PAPOLA: variants seen among roughly 807,000 people sequenced by gnomAD.
The protein encoded by PAPOLA is poly(A) polymerase alpha, also known as polynucleotide adenylyltransferase alpha.
In PAPOLA, 15 loss-of-function variants were observed where a neutral mutation model predicts 100.6. The observed-to-expected ratio is 0.15, with a 90% CI of 0.10 to 0.23. The LOEUF (loss-of-function observed/expected upper bound fraction) is 0.23, where lower values mean the gene tolerates loss of function less well. PAPOLA is among the 10% of genes least tolerant of loss of function. PAPOLA has a pLI of 1.00. For synonymous variants in PAPOLA, 293 were observed against 300.0 expected, an observed-to-expected ratio of 0.98 and a Z score of 0.24; for missense variants, 533 against 884.2, an observed-to-expected ratio of 0.60 and a Z score of 5.04.
intron 12 of PAPOLA, among the ~76,000 whole-genome samples, chr14:96,540,309 G>A (rs1007016169): frequency 2.6e-5 from 4 of 152,150 alleles, no homozygotes; most frequent in Admixed American, 2.0e-4. Context: ...GATGGACCCA[G>A]ACAGCTTTGT....
chr14:96,532,758 TGTA>T (rs1370139388), intron 9 of PAPOLA, 109 bp downstream of exon 9: 42 of 1,431,752 alleles, frequency 2.9e-5, no homozygotes, highest in Non-Finnish European at 3.6e-6. Context: ...TAGTTCATGA[TGTA>T]GTCATGTAGG....
chr14:96,563,830 C>A (rs1232003917), intron 21 of PAPOLA, among the ~76,000 whole-genome samples: 1 of 152,060 alleles, frequency 6.6e-6, no homozygotes, highest in East Asian at 1.9e-4. Flanking sequence ...GATACGTGGA[C>A]AAACTTGTTT....
At chr14:96,552,857 ATGTT>A (rs1900959466) in intron 17 of PAPOLA, 2 of 474,672 alleles carry the variant, frequency 4.2e-6, no homozygotes, top group Non-Finnish European at 7.6e-6. Flanking sequence ...ATGTGAATGA[ATGTT>A]AGCACATAAC....
At chr14:96,548,038 A>C (rs1488439350) in intron 16 of PAPOLA, 120 bp downstream of exon 16, 3 of 857,728 alleles carry the variant, frequency 3.5e-6, no homozygotes, top group Non-Finnish European at 5.4e-6. Flanking sequence ...ACAGCTTTTT[A>C]AAAATCTGTT....
At chr14:96,537,319 C>T in intron 12 of PAPOLA, 1 of 429,518 alleles carries the variant, frequency 2.3e-6, no homozygotes, top group Admixed American at 3.6e-5. Context: ...ATACATCAGT[C>T]ATGACAAAAA....
intron 6 of PAPOLA, 71 bp downstream of exon 6, chr14:96,528,077 C>G (rs1898650612): frequency 2.9e-6 from 3 of 1,038,270 alleles, no homozygotes; most frequent in Non-Finnish European, 4.6e-6. Flanking sequence ...AGGTTAAAAA[C>G]TTGGTTTAAA....
At chr14:96,563,038 G>A in intron 21 of PAPOLA, 145 bp downstream of exon 21, 2 of 548,452 alleles carry the variant, frequency 3.6e-6, no homozygotes, top group Non-Finnish European at 6.4e-6. Flanking sequence ...CGTATTTATT[G>A]TAGTTTTAAG....
At position 96,509,162 on chromosome 14, in the gene PAPOLA, T is replaced by G. The variant is rs565562920; in HGVS notation, c.8+6562T>G. Among the ~76,000 whole-genome samples, 20 of 152,218 alleles carry G rather than the reference T, an allele frequency of 1.3e-4. No individual in the cohort carries two copies. The East Asian group carries it at 3.7e-3, about 28-fold the overall frequency. On this transcript the variant is annotated intron_variant, in intron 1 of 21. Transcript: ENST00000216277. ...TCCTCCCACCTCAGCCTCCCAAGTA[T>G]CTGGGACTACAGGCACGCACCACCA... is the stretch of plus-strand genomic sequence containing the variant.
chr14:96,535,116 G>A (rs998884267), intron 10 of PAPOLA: 20 of 975,602 alleles, frequency 2.1e-5, no homozygotes, highest in Non-Finnish European at 2.3e-5. Flanking sequence ...AACATTTACC[G>A]CTTACTCATT....
chr14:96,533,564 T>C (rs553479751), intron 9 of PAPOLA: 2 of 947,338 alleles, frequency 2.1e-6, no homozygotes, highest in South Asian at 1.0e-4. Context: ...TTTTTTTTTT[T>C]TTTTGTTTGA....
At chr14:96,560,566 T>C (rs894008554) in intron 19 of PAPOLA, 83 bp from the exon 20 acceptor site, 9 of 859,460 alleles carry the variant, frequency 1.0e-5, no homozygotes, top group Non-Finnish European at 1.7e-5. Context: ...TTTATAGTTT[T>C]AAAGTTTATA....
chr14:96,503,460 TC>T (rs1192478468), intron 1 of PAPOLA, among the ~76,000 whole-genome samples: 1 of 152,094 alleles, frequency 6.6e-6, no homozygotes, highest in East Asian at 1.9e-4. Context: ...TTTTCTCCCC[TC>T]CCCCTTTCTG....
At chr14:96,521,500 AT>A (rs1044501723) in intron 3 of PAPOLA, among the ~76,000 whole-genome samples, 13 of 151,572 alleles carry the variant, frequency 8.6e-5, no homozygotes, top group Admixed American at 8.5e-4. Flanking sequence ...TTTTTTATTT[AT>A]TTTTTTTGAG....
chr14:96,539,562 T>C (rs868751068), intron 12 of PAPOLA, among the ~76,000 whole-genome samples: 6 of 152,162 alleles, frequency 3.9e-5, no homozygotes, highest in Admixed American at 3.9e-4. Context: ...TTTTTAACTA[T>C]GTTTTTAACT....
At chr14:96,536,861 A>G in intron 11 of PAPOLA, 115 bp from the exon 12 acceptor site, 1 of 638,414 alleles carries the variant, frequency 1.6e-6, no homozygotes, top group Admixed American at 2.6e-5. Flanking sequence ...AAAACTATAT[A>G]TGTTAAAATT....
chr14:96,542,723 A>G, intron 13 of PAPOLA, 51 bp from the exon 14 acceptor site: 1 of 1,540,984 alleles, frequency 6.5e-7, no homozygotes, highest in African/African-American at 1.4e-5. Context: ...TTATTTATTT[A>G]TTTTTAAGTT....
chr14:96,559,571 C>CTATATATA (rs1223139741), intron 19 of PAPOLA, among the ~76,000 whole-genome samples: 1 of 115,626 alleles, frequency 8.6e-6, no homozygotes, highest in Non-Finnish European at 1.8e-5. Context: ...CTCTCTCTCT[C>CTATATATA]TCTCTCTCTC....
At chr14:96,527,402 A>G (rs759747030) in intron 4 of PAPOLA, 28 bp from the exon 5 acceptor site, 1 of 1,267,184 alleles carries the variant, frequency 7.9e-7, no homozygotes, top group African/African-American at 1.5e-5. Context: ...AATATTAATT[A>G]GTGGTTGATG....
At chr14:96,535,406 C>G in intron 10 of PAPOLA, 1 of 980,904 alleles carries the variant, frequency 1.0e-6, no homozygotes, top group Non-Finnish European at 1.2e-6. Context: ...CCTAACATAT[C>G]AACATGGATA....
Sources: gnomAD v4.1 joint callset for allele counts (sites outside exome capture counted in the v4.1 genomes callset) on GRCh38, gnomAD v4.1.1 for gene constraint, MANE v1.5 for transcripts, NCBI Gene and HGNC (gene_info 2026-07-23, HGNC 2026-07-21) for gene names.